PRKG2: variants seen among roughly 807,000 people sequenced by gnomAD.
The protein encoded by PRKG2 is cGMP-dependent protein kinase 2.
In PRKG2, 33 loss-of-function variants were observed where a neutral mutation model predicts 97.2. That is an observed-to-expected ratio of 0.34 (90% CI 0.26 to 0.45). The LOEUF (loss-of-function observed/expected upper bound fraction) is 0.45. Among genes scored for constraint, PRKG2 ranks in the 20% least tolerant of loss-of-function variants. The pLI, the probability that PRKG2 is intolerant of heterozygous loss-of-function variation, is 1.00. For missense variants in PRKG2, 638 were observed against 900.0 expected (o/e 0.71, Z 3.73); for synonymous variants, 330 against 321.8 (o/e 1.03, Z -0.27).
intron 3 of PRKG2, chr4:81,174,073 T>G (rs1750716596): frequency 6.6e-6 from 1 of 152,082 alleles, no homozygotes; most frequent in Non-Finnish European, 1.5e-5. Flanking sequence ...CATTATAAGA[T>G]CTATACATTA....
At chr4:81,151,797 C>T (rs1400698074) in intron 8 of PRKG2, among the ~76,000 whole-genome samples, 163 bp downstream of exon 8, 16 of 152,120 alleles carry the variant, frequency 1.1e-4, no homozygotes, top group Admixed American at 7.9e-4. Context: ...AATTAGCATA[C>T]TCATTTCCCG....
At chr4:81,217,031 GTATATA>G (rs35897460), upstream of PRKG2, among the ~76,000 whole-genome samples, 6 of 115,284 alleles carry the variant, frequency 5.2e-5, no homozygotes, top group Non-Finnish European at 8.6e-5. Flanking sequence ...TATATATTTT[GTATATA>G]TATATATATA....
chr4:81,210,927 G>C (rs1415000313), intron 1 of PRKG2, among the ~76,000 whole-genome samples: 1 of 152,070 alleles, frequency 6.6e-6, no homozygotes, highest in Non-Finnish European at 1.5e-5. Context: ...CATATTGCTG[G>C]GTGAAAGAAG....
At chr4:81,142,481 G>T (rs1326223597) in intron 11 of PRKG2, among the ~76,000 whole-genome samples, 1 of 152,084 alleles carries the variant, frequency 6.6e-6, no homozygotes, top group Admixed American at 6.6e-5. Flanking sequence ...ACACGCATTT[G>T]CTGTTAGAAA....
At chr4:81,110,798 G>C (rs982599669) in intron 14 of PRKG2, among the ~76,000 whole-genome samples, 187 bp from the exon 15 acceptor site, 3 of 146,112 alleles carry the variant, frequency 2.1e-5, no homozygotes, top group African/African-American at 7.8e-5. Context: ...CAAAGAGACA[G>C]AGAGACCACC....
chr4:81,181,948 T>C (rs1300951297), intron 2 of PRKG2, among the ~76,000 whole-genome samples: 1 of 151,786 alleles, frequency 6.6e-6, no homozygotes, highest in Non-Finnish European at 1.5e-5. Context: ...GAAAATCTGA[T>C]TAGCAATAAA....
intron 6 of PRKG2, among the ~76,000 whole-genome samples, chr4:81,161,936 G>C (rs911600674): frequency 2.0e-5 from 3 of 152,080 alleles, no homozygotes; most frequent in Non-Finnish European, 2.9e-5. Context: ...ATCTGGAAGG[G>C]GGGGTGGGGC....
At chr4:81,123,547 G>C (rs575951210) in intron 14 of PRKG2, among the ~76,000 whole-genome samples, 1 of 152,282 alleles carries the variant, frequency 6.6e-6, no homozygotes, top group South Asian at 2.1e-4. Flanking sequence ...TGGGACTACA[G>C]GTGCCTGCCA....
rs1052440328 is a variant in PRKG2 at position 81,128,431 on chromosome 4, T to A, written c.1776+6724A>T. ...GTACCAGCTCCTCTTTGTACCTCTG[T>A]TAGAATTCGGCTGTGAATCCATCTG... On this transcript the variant is annotated intron_variant, in intron 14 of 18. Coordinates refer to ENST00000264399, the MANE Select transcript of PRKG2 (RefSeq NM_006259.3). Among the ~76,000 whole-genome samples, 3 of 152,198 alleles carry A rather than the reference T, an allele frequency of 2.0e-5. No individual in the cohort carries two copies. In the East Asian group the frequency reaches 5.8e-4, roughly 29 times the overall value.
chr4:81,195,084 T>C (rs1015417349), intron 2 of PRKG2, among the ~76,000 whole-genome samples: 1 of 152,208 alleles, frequency 6.6e-6, no homozygotes, highest in Non-Finnish European at 1.5e-5. Flanking sequence ...AACAACAACA[T>C]GGAAGAGAGT....
intron 18 of PRKG2, among the ~76,000 whole-genome samples, chr4:81,091,015 A>C (rs1741478268): frequency 6.6e-6 from 1 of 152,232 alleles, no homozygotes; most frequent in African/African-American, 2.4e-5. Flanking sequence ...ATTCAGAAGA[A>C]ATACTGGTGT....
At chr4:81,097,930 A>AT (rs1319129255) in intron 17 of PRKG2, among the ~76,000 whole-genome samples, 1 of 152,156 alleles carries the variant, frequency 6.6e-6, no homozygotes, top group African/African-American at 2.4e-5. Context: ...AATTTGTTCC[A>AT]TATCAGCAAT....
At chr4:81,109,009 G>A (rs1743641220) in intron 15 of PRKG2, among the ~76,000 whole-genome samples, 1 of 152,190 alleles carries the variant, frequency 6.6e-6, no homozygotes, top group Admixed American at 6.5e-5. Context: ...AAGCCAGCAT[G>A]TATCTCTTAC....
intron 14 of PRKG2, among the ~76,000 whole-genome samples, chr4:81,128,702 A>G (rs1003718734): frequency 1.3e-5 from 2 of 151,824 alleles, no homozygotes; most frequent in Non-Finnish European, 2.9e-5. Context: ...TACTGTGTCT[A>G]TTGGATTCTT....
intron 14 of PRKG2, among the ~76,000 whole-genome samples, chr4:81,129,602 T>G (rs1277355336): frequency 6.6e-6 from 1 of 152,140 alleles, no homozygotes; most frequent in Non-Finnish European, 1.5e-5. Context: ...CTTCTTTGTC[T>G]TTTTTTATCT....
chr4:81,089,861 C>CGGT (rs1741377328), intron 18 of PRKG2, 58 bp from the exon 19 acceptor site: 168 of 1,347,206 alleles, frequency 1.2e-4, no homozygotes, highest in Non-Finnish European at 1.6e-4. Flanking sequence ...CATGCTATCA[C>CGGT]ATATGGGTAA....
In PRKG2 at chr4:81,177,988, A is replaced by G. The variant is rs553128682; in HGVS notation, c.462-3029T>C. Among the ~76,000 whole-genome samples, 4 of 151,044 alleles carry G rather than the reference A, an allele frequency of 2.6e-5. 1 individual carries two copies. The South Asian group carries it at 8.4e-4, about 32-fold the overall frequency. On this transcript the variant is annotated intron_variant, in intron 2 of 18. Transcript: ENST00000264399. ...CTCAAAGACAAAAGTTCAGGTTTAAAGCACACCATGAAGTGGGATGATAGG... is the reference window on the plus strand; with the variant it reads ...CTCAAAGACAAAAGTTCAGGTTTAAGGCACACCATGAAGTGGGATGATAGG...
intron 1 of PRKG2, among the ~76,000 whole-genome samples, chr4:81,207,378 C>A (rs1466658609): frequency 1.3e-5 from 2 of 152,104 alleles, no homozygotes; most frequent in African/African-American, 4.8e-5. Context: ...AAAAAGCACG[C>A]ATAAAAACTT....
chr4:81,195,452 A>G (rs779199746), intron 2 of PRKG2, among the ~76,000 whole-genome samples: 5 of 152,156 alleles, frequency 3.3e-5, no homozygotes, highest in Admixed American at 6.6e-5. Flanking sequence ...TTTAGTAGCA[A>G]TAAGTATATT....
Sources: gnomAD v4.1 joint callset for allele counts (sites outside exome capture counted in the v4.1 genomes callset) on GRCh38, gnomAD v4.1.1 for gene constraint, MANE v1.5 for transcripts, NCBI Gene and HGNC (gene_info 2026-07-23, HGNC 2026-07-21) for gene names.